The following PNN variants were observed in gnomAD, a reference collection of about 807,000 sequenced individuals.
PNN encodes the protein pinin.
A neutral mutation model predicts 76.6 loss-of-function variants in PNN; 38 were observed. That is an observed-to-expected ratio of 0.50 (90% confidence interval 0.38 to 0.65). The LOEUF is 0.65. Ranked by LOEUF, PNN falls within the 30% of genes least tolerant of loss-of-function variation. PNN has a pLI of 0.00. For synonymous variants in PNN, 366 were observed against 283.7 expected (o/e 1.29, Z -2.91); for missense variants, 873 against 874.1 (o/e 1.00, Z 0.02).
rs1027389637 is a variant in PNN, at chr14:39,181,660, G to A, written c.1951G>A (p.Asp651Asn). Residue 651 changes from aspartate (D) to asparagine (N), a missense_variant, in exon 9 of 9, where the codon GAT becomes AAT. By Grantham distance (23) the Asp-to-Asn change is conservative. Coordinates refer to ENST00000216832, the MANE Select transcript of PNN (RefSeq NM_002687.4). ...NRDRKHRRSV[D>N]RKRRDTSGLE... ...AGATAGAAAGCACAGAAGGAGCGTGGATCGGAAGAGAAGGGATACTTCAGG... is the reference window on the plus strand; with the variant it reads ...AGATAGAAAGCACAGAAGGAGCGTGAATCGGAAGAGAAGGGATACTTCAGG... 2.5e-6 allele frequency: 4 copies of A among 1,614,056 alleles called. No homozygotes were observed. Among genetic ancestry groups the A allele is most frequent in the African/African-American group, 1.3e-5 (1 of 75,050 alleles).
Position 39,181,644 on chromosome 14 carries a change from G to A in PNN, c.1935G>A (p.Lys645=). 6.2e-7 allele frequency: 1 copy of A among 1,614,134 alleles called. No individual in the cohort carries two copies. The highest frequency in any genetic ancestry group is 8.5e-7 in the Non-Finnish European group (1 of 1,180,012). Residue 645 remains lysine (K), a synonymous_variant, in exon 9 of 9, where the codon AAG becomes AAA. Coordinates refer to ENST00000216832, the MANE Select transcript of PNN (RefSeq NM_002687.4). Reference sequence around the variant, plus strand: ...GCCGGGGACATAATAGAGATAGAAAGCACAGAAGGAGCGTGGATCGGAAGA... The same window carrying A: ...GCCGGGGACATAATAGAGATAGAAAACACAGAAGGAGCGTGGATCGGAAGA... ...SRGRGHNRDR[K]HRRSVDRKRR...
Position 39,182,230 on chromosome 14 carries a change from T to C in PNN, c.*367T>C, listed in dbSNP as rs2053275563. ...GTATCATACATTGCTTTTGTAGAAA[T>C]AAATGTGTGTTTATTTCATTATTTT... On this transcript the variant is annotated 3_prime_UTR_variant, in exon 9 of 9. Coordinates refer to ENST00000216832, the MANE Select transcript of PNN (RefSeq NM_002687.4). 1 of 162,184 alleles carries C rather than the reference T, an allele frequency of 6.2e-6. No homozygotes were observed. Among genetic ancestry groups the C allele is most frequent in the African/African-American group, 2.4e-5 (1 of 41,630 alleles). The allele number at this position is 162,184 out of a possible 1,614,324, so 10.0% of individuals were successfully genotyped here.
At chr14:39,175,525 A>G (rs1344621218) in intron 1 of PNN, 133 bp downstream of exon 1, 2 of 677,750 alleles carry the variant, frequency 3.0e-6, no homozygotes, top group East Asian at 2.8e-5. Context: ...GGCGGCGGGT[A>G]AAACCCTGTT....
chr14:39,177,356 A>C (rs1476956629), intron 3 of PNN, 56 bp from the exon 4 acceptor site: 5 of 1,449,288 alleles, frequency 3.4e-6, no homozygotes, highest in Non-Finnish European at 4.8e-6. Context: ...ACTGCACTTC[A>C]GCCTGGGTGG....
chr14:39,181,149 T>TCAGCCC lies in PNN; in HGVS notation c.1445_1450dup (p.Pro482_Gln483dup), dbSNP rs751734353. The TCAGCCC allele has an allele frequency of 1.4e-5, 23 of 1,607,814 alleles. No individual in the cohort carries two copies. The highest frequency in any genetic ancestry group is 1.3e-4 in the East Asian group (6 of 44,862). ...CTGTGGCTCAACCTCAGCCTCAGTC[T>TCAGCCC]CAGCCCCAGCTTCAGCTTCAATCCC... On this transcript the variant is annotated inframe_insertion, in exon 9 of 9. Transcript: ENST00000216832.
At position 39,182,951 on chromosome 14, in the gene PNN, A is replaced by T. The variant is rs1418308587; in HGVS notation, c.*1088A>T. 1 of 152,676 alleles carries T rather than the reference A, an allele frequency of 6.5e-6. No individual in the cohort carries two copies. The highest frequency in any genetic ancestry group is 2.4e-5 in the African/African-American group (1 of 41,458). The allele number at this position is 152,676 out of a possible 1,614,324, so 9.5% of individuals were successfully genotyped here. A position where few individuals can be genotyped will look rare whatever the true frequency, so the allele number is the denominator to read the frequency against. ...GTGGCTTAGACTTGTGTGACTGCTT[A>T]AGACTAGTACTTGTATTAACTTTCT... is the stretch of plus-strand genomic sequence containing the variant. On this transcript the variant is annotated 3_prime_UTR_variant, in exon 9 of 9. Transcript: ENST00000216832.
rs749991696 is a variant in PNN, at chr14:39,181,765, G to A, written c.2056G>A (p.Asp686Asn). ...KGSKDKNSRS[D>N]RKRSISESSR... The stretch of plus-strand genomic sequence containing the variant: ...ATCAAAGGATAAGAATTCCCGGTCC[G>A]ACAGAAAGAGGTCTATATCAGAGAG... The change falls in exon 9 of 9, where the codon GAC becomes AAC. Residue 686 changes from aspartate (D) to asparagine (N), a missense_variant. By Grantham distance (23) the Asp-to-Asn change is conservative. Coordinates refer to ENST00000216832, the MANE Select transcript of PNN (RefSeq NM_002687.4). 3.6e-5 allele frequency: 58 copies of A among 1,613,966 alleles called. No individual in the cohort carries two copies. The highest frequency in any genetic ancestry group is 1.5e-4 in the South Asian group (14 of 91,076).
Position 39,180,937 on chromosome 14 carries a change from C to G in PNN, c.1228C>G (p.Arg410Gly), listed in dbSNP as rs2053264705. The change falls in exon 9 of 9, where the codon CGA (arginine) becomes GGA (glycine). Residue 410 changes from arginine (R) to glycine (G), a missense_variant. Around this residue, in one of 3 missense-constraint regions of PNN, gnomAD observed 712 missense variants for 693.1 expected, o/e 1.03. Transcript: ENST00000216832. ...IADQEVMETN[R>G]VESVEPSENE... ...TGACCAGGAGGTAATGGAAACTAATCGAGTTGAAAGTGTAGAACCTTCAGA... is the reference window on the plus strand; with the variant it reads ...TGACCAGGAGGTAATGGAAACTAATGGAGTTGAAAGTGTAGAACCTTCAGA... 59 of 1,613,944 alleles carry G rather than the reference C, an allele frequency of 3.7e-5. No individual in the cohort carries two copies. The highest frequency in any genetic ancestry group is 4.9e-5 in the Non-Finnish European group (58 of 1,179,970).
At chr14:39,176,328 A>G (rs1027562247) in intron 2 of PNN, 179 bp downstream of exon 2, 4 of 632,262 alleles carry the variant, frequency 6.3e-6, no homozygotes, top group Non-Finnish European at 8.4e-6. Flanking sequence ...CTGGAGGTTG[A>G]AGAATATATT....
chr14:39,176,423 T>A (rs748909574), intron 2 of PNN, 104 bp from the exon 3 acceptor site: 1 of 868,790 alleles, frequency 1.2e-6, no homozygotes, highest in Non-Finnish European at 1.8e-6. Context: ...TAAGGCTACT[T>A]TAGTTGGAAA....
Position 39,177,424 on chromosome 14 carries a change from G to A in PNN, c.267G>A (p.Glu89=), listed in dbSNP as rs142251224. 4.5e-5 allele frequency: 73 copies of A among 1,613,974 alleles called. No homozygotes were observed. The Middle Eastern group carries it at 1.2e-3, about 26-fold the overall frequency. Residue 89 remains glutamate (E), a synonymous_variant, in exon 4 of 9, where the codon GAG becomes GAA. Transcript: ENST00000216832. ...TTTTCTATGACAGGCTGGGCGGGGA[G>A]CGTCGGACCAGAAGAGAATCACGCC... is the stretch of plus-strand genomic sequence containing the variant. ...LEGAVSRLGG[E]RRTRRESRQE... is the part of the protein sequence containing the mutation.
At chr14:39,177,203 G>A (rs778415923) in intron 3 of PNN, among the ~76,000 whole-genome samples, 1 of 152,148 alleles carries the variant, frequency 6.6e-6, no homozygotes, top group Non-Finnish European at 1.5e-5. Flanking sequence ...TAGATACATG[G>A]TGAAATCCCA....
chr14:39,176,471 G>A (rs2053225267), intron 2 of PNN, 56 bp from the exon 3 acceptor site: 2 of 1,302,718 alleles, frequency 1.5e-6, no homozygotes, highest in Non-Finnish European at 2.2e-6. Context: ...TTGTCAAATG[G>A]AAATACCATT....
rs570142086 is a variant in PNN at position 39,177,775 on chromosome 14, T to C, written c.423-66T>C. 3 of 1,461,910 alleles carry C rather than the reference T, an allele frequency of 2.1e-6. No individual in the cohort carries two copies. In the Admixed American group the frequency reaches 5.0e-5, roughly 25 times the overall value. 90.6% of individuals were successfully genotyped at this position (1,461,910 alleles called of 1,614,324 possible). A position where few individuals can be genotyped will look rare whatever the true frequency, so the allele number is the denominator to read the frequency against. On this transcript the variant is annotated intron_variant, in intron 5 of 8. Coordinates refer to ENST00000216832, the MANE Select transcript of PNN (RefSeq NM_002687.4). Reference sequence around the variant, plus strand: ...TGTTCAAGCATCCTGTAGTATTTCTTAGAAAATGATGGGTTTAAATGAAAT... The same window carrying C: ...TGTTCAAGCATCCTGTAGTATTTCTCAGAAAATGATGGGTTTAAATGAAAT...
intron 8 of PNN, 52 bp from the exon 9 acceptor site, chr14:39,180,451 T>G: frequency 1.3e-6 from 2 of 1,482,528 alleles, no homozygotes; most frequent in Non-Finnish European, 1.8e-6. Flanking sequence ...AAATTATGGC[T>G]TTGAATTTTC....
In PNN at chr14:39,181,582, A is replaced by G; in HGVS notation, c.1873A>G (p.Thr625Ala). The change falls in exon 9 of 9, where the codon ACT becomes GCT. Residue 625 changes from threonine (T) to alanine (A), a missense_variant. By Grantham distance (58) the Thr-to-Ala change is moderately conservative (BLOSUM62 0). Coordinates refer to ENST00000216832, the MANE Select transcript of PNN (RefSeq NM_002687.4). The part of the protein sequence containing the change: ...GSSSRDSSSS[T>A]SSSSESRSRS... ...CAGCAGCAGAGATAGTAGCAGTAGC[A>G]CTAGTAGTAGTAGTGAGAGTAGAAG... 1 of 1,613,890 alleles carries G rather than the reference A, an allele frequency of 6.2e-7. No individual in the cohort carries two copies. Among genetic ancestry groups the G allele is most frequent in the Non-Finnish European group, 8.5e-7 (1 of 1,179,864 alleles).
In PNN at chr14:39,182,279, T is replaced by C. The variant is rs1371892029; in HGVS notation, c.*416T>C. 6.4e-6 allele frequency: 1 copy of C among 157,430 alleles called. No individual in the cohort carries two copies. Among genetic ancestry groups the C allele is most frequent in the Non-Finnish European group, 1.4e-5 (1 of 70,952 alleles). The allele number at this position is 157,430 out of a possible 1,614,324, so 9.8% of individuals were successfully genotyped here. ...TTTGGGATGTCCTCGTTGACACTTG[T>C]ATAATAAATATCCTCTTTATCATTT... On this transcript the variant is annotated 3_prime_UTR_variant, in exon 9 of 9. Coordinates refer to ENST00000216832, the MANE Select transcript of PNN (RefSeq NM_002687.4).
At chr14:39,179,841 G>T (rs886581952) in intron 8 of PNN, among the ~76,000 whole-genome samples, 2 of 151,538 alleles carry the variant, frequency 1.3e-5, no homozygotes, top group African/African-American at 4.9e-5. Flanking sequence ...GGCAGAAGTT[G>T]CAGTGAGCCG....
At position 39,179,192 on chromosome 14, in the gene PNN, T is replaced by A. The variant is rs1363123690; in HGVS notation, c.600T>A (p.Arg200=). Reference sequence around the variant, plus strand: ...GGAGAGAACTGTTTGAAGAGAGGCGTGCTAAACAGACAGAACTGCGGCTTT... The same window carrying A: ...GGAGAGAACTGTTTGAAGAGAGGCGAGCTAAACAGACAGAACTGCGGCTTT... The part of the protein sequence containing the change: ...NERRELFEER[R]AKQTELRLLE... Residue 200 remains arginine, a synonymous_variant, in exon 7 of 9, where the codon CGT becomes CGA. Transcript: ENST00000216832. 1.2e-6 allele frequency: 2 copies of A among 1,614,002 alleles called. No homozygotes were observed. Among genetic ancestry groups the A allele is most frequent in the South Asian group, 2.2e-5 (2 of 91,026 alleles).
Sources: gnomAD v4.1 joint callset for allele counts (sites outside exome capture counted in the v4.1 genomes callset) on GRCh38, gnomAD v4.1.1 for gene constraint, gnomAD v4.1.1 regional missense constraint, MANE v1.5 for transcripts, NCBI Gene and HGNC (gene_info 2026-07-23, HGNC 2026-07-21) for gene names.